The following PCNX2 variants were observed in gnomAD, a reference collection of about 807,000 sequenced individuals.
The protein encoded by PCNX2 is pecanex 2.
In PCNX2, 168 loss-of-function variants were observed where a neutral mutation model predicts 223.8. The observed-to-expected ratio is 0.75, with a 90% CI of 0.66 to 0.85. The LOEUF is 0.85. Among genes scored for constraint, PCNX2 ranks in the 40% least tolerant of loss-of-function variants. PCNX2 has a pLI of 0.00. For missense variants in PCNX2, 2,507 were observed against 2,675.5 expected (o/e 0.94, Z 1.39); for synonymous variants, 1,006 against 1,052.6 (o/e 0.96, Z 0.86).
intron 32 of PCNX2, 42 bp from the exon 33 acceptor site, chr1:232,986,582 A>G (rs746489109): frequency 3.8e-5 from 55 of 1,448,640 alleles, no homozygotes; most frequent in Non-Finnish European, 4.8e-5. Flanking sequence ...CGGGTGGGTC[A>G]TGAACATCGA....
chr1:233,241,801 T>C (rs940623364), intron 8 of PCNX2, among the ~76,000 whole-genome samples: 10 of 152,240 alleles, frequency 6.6e-5, no homozygotes, highest in African/African-American at 1.9e-4. Flanking sequence ...AATGTTTTAC[T>C]CTTCATTTTG....
intron 22 of PCNX2, among the ~76,000 whole-genome samples, chr1:233,094,769 CTGATGGATTGCCAGAGT>C (rs1286605250): frequency 1.3e-5 from 2 of 152,156 alleles, no homozygotes; most frequent in Non-Finnish European, 2.9e-5. Flanking sequence ...AACAGCAGCC[CTGATGGATTGCCAGAGT>C]TGAGAACTGT....
chr1:233,101,170 C>G (rs1450247403), intron 21 of PCNX2, among the ~76,000 whole-genome samples: 1 of 152,008 alleles, frequency 6.6e-6, no homozygotes, highest in Non-Finnish European at 1.5e-5. Context: ...AAGCCGGAAA[C>G]AAAGGAATTG....
intron 21 of PCNX2, among the ~76,000 whole-genome samples, chr1:233,106,848 G>A (rs1162506674): frequency 6.6e-6 from 1 of 151,872 alleles, no homozygotes; most frequent in African/African-American, 2.4e-5. Flanking sequence ...TACCTCTCTG[G>A]ATATCTAACT....
At chr1:233,174,248 T>C (rs1679340060) in intron 17 of PCNX2, among the ~76,000 whole-genome samples, 1 of 135,582 alleles carries the variant, frequency 7.4e-6, no homozygotes, top group African/African-American at 2.7e-5. Flanking sequence ...ATATTTTATA[T>C]AAATTATATA....
At chr1:233,235,957 A>AAAATAT (rs369886650) in intron 9 of PCNX2, among the ~76,000 whole-genome samples, 2,646 of 92,974 alleles carry the variant, frequency 0.028, 106 homozygotes, top group East Asian at 0.16. Context: ...CATAAAAAAA[A>AAAATAT]ATATATATAT....
chr1:233,217,749 C>T (rs1299188348), intron 12 of PCNX2, 150 bp downstream of exon 12: 4 of 802,260 alleles, frequency 5.0e-6, no homozygotes, highest in Non-Finnish European at 7.3e-6. Context: ...GGCCACCATG[C>T]ACTTATATAT....
intron 18 of PCNX2, 56 bp downstream of exon 18, chr1:233,161,214 CT>C: frequency 6.7e-7 from 1 of 1,497,596 alleles, no homozygotes; most frequent in South Asian, 1.2e-5. Flanking sequence ...TCCATGACAG[CT>C]TTGTTATTAA....
chr1:233,197,042 C>T (rs1051276436), intron 15 of PCNX2, among the ~76,000 whole-genome samples: 7 of 152,024 alleles, frequency 4.6e-5, no homozygotes, highest in African/African-American at 1.7e-4. Flanking sequence ...ATACATCATG[C>T]CCTGACAGAT....
intron 26 of PCNX2, among the ~76,000 whole-genome samples, chr1:233,018,167 TGCAAGCCACC>T (rs1670751333): frequency 6.6e-6 from 1 of 151,106 alleles, no homozygotes; most frequent in Non-Finnish European, 1.5e-5. Flanking sequence ...GGGCTACAGG[TGCAAGCCACC>T]ATTTCTGGCT....
chr1:233,262,510 G>C (rs1660109133), intron 2 of PCNX2, among the ~76,000 whole-genome samples: 1 of 152,092 alleles, frequency 6.6e-6, no homozygotes, highest in Admixed American at 6.5e-5. Flanking sequence ...GCTATCTTAA[G>C]GAGCTATAAG....
chr1:233,175,121 A>G (rs920141613), intron 17 of PCNX2, among the ~76,000 whole-genome samples: 1 of 152,154 alleles, frequency 6.6e-6, no homozygotes, highest in Non-Finnish European at 1.5e-5. Context: ...GACAGAGAAA[A>G]TAAGAGCTGG....
intron 32 of PCNX2, among the ~76,000 whole-genome samples, chr1:232,996,719 T>G (rs1177334492): frequency 6.6e-6 from 1 of 152,198 alleles, no homozygotes; most frequent in Non-Finnish European, 1.5e-5. Flanking sequence ...GCCTGGGAAC[T>G]GAGACATGCA....
At chr1:233,064,945 AT>A (rs1351003779) in intron 23 of PCNX2, among the ~76,000 whole-genome samples, 1 of 152,158 alleles carries the variant, frequency 6.6e-6, no homozygotes, top group Non-Finnish European at 1.5e-5. Flanking sequence ...ATCTTTGTGA[AT>A]TTTAGTCTTA....
chr1:233,055,870 G>A (rs1488468862), intron 24 of PCNX2, among the ~76,000 whole-genome samples: 1 of 152,142 alleles, frequency 6.6e-6, no homozygotes, highest in Admixed American at 6.5e-5. Context: ...TCAGGGTGCG[G>A]AAGGCAGGGA....
intron 25 of PCNX2, among the ~76,000 whole-genome samples, chr1:233,028,941 C>A (rs1241956814): frequency 6.6e-6 from 1 of 150,920 alleles, no homozygotes; most frequent in African/African-American, 2.4e-5. Flanking sequence ...CGGGTTCAAG[C>A]CATTCTCCTG....
chr1:233,035,425 A>G (rs1337805541), intron 25 of PCNX2, among the ~76,000 whole-genome samples: 2 of 152,210 alleles, frequency 1.3e-5, no homozygotes, highest in Non-Finnish European at 2.9e-5. Flanking sequence ...TATGCTGAAT[A>G]TATATTTTAG....
At chr1:233,268,004 C>A (rs11587019) in intron 1 of PCNX2, among the ~76,000 whole-genome samples, 3 of 152,036 alleles carry the variant, frequency 2.0e-5, no homozygotes, top group Non-Finnish European at 4.4e-5. Context: ...CTCTGCGTCC[C>A]GAGTTGAAGC....
intron 1 of PCNX2, among the ~76,000 whole-genome samples, chr1:233,283,304 G>A (rs1407518618): frequency 6.6e-6 from 1 of 152,160 alleles, no homozygotes; most frequent in Admixed American, 6.5e-5. Flanking sequence ...TCTTTTAGCT[G>A]TGTCTACTGA....
Sources: gnomAD v4.1 joint callset for allele counts (sites outside exome capture counted in the v4.1 genomes callset) on GRCh38, gnomAD v4.1.1 for gene constraint, MANE v1.5 for transcripts, NCBI Gene and HGNC (gene_info 2026-07-23, HGNC 2026-07-21) for gene names.